RYR2: variants seen among roughly 807,000 people sequenced by gnomAD.
RYR2 encodes cardiac muscle ryanodine receptor-calcium release channel.
In RYR2, 227 loss-of-function variants were observed where a neutral mutation model predicts 601.1. The observed-to-expected ratio is 0.38, with a 90% CI of 0.34 to 0.42. The LOEUF is 0.42. RYR2 is among the 10% of genes least tolerant of loss of function. The pLI is 1.00. For missense variants in RYR2, 4,646 were observed against 6,156.5 expected, an observed-to-expected ratio of 0.75 and a Z score of 8.21; for synonymous variants, 2,223 against 2,175.1, an observed-to-expected ratio of 1.02 and a Z score of -0.61.
intron 16 of RYR2, among the ~76,000 whole-genome samples, chr1:237,460,776 A>G (rs1186824770): frequency 6.6e-6 from 1 of 152,180 alleles, no homozygotes; most frequent in Non-Finnish European, 1.5e-5. Flanking sequence ...ATCTATTGTT[A>G]CTATAAATAT....
At chr1:237,168,037 C>A (rs966187452) in intron 1 of RYR2, among the ~76,000 whole-genome samples, 1 of 152,170 alleles carries the variant, frequency 6.6e-6, no homozygotes, top group South Asian at 2.1e-4. Context: ...TGGATACTTA[C>A]CAAGCCAAAG....
Position 237,614,615 on chromosome 1 carries a change from G to T in RYR2, c.5487G>T (p.Leu1829=), listed in dbSNP as rs371250741. ...VPLIKLFYTL[L]IMGIFHNEDL... is the part of the protein sequence containing the mutation. The stretch of plus-strand genomic sequence containing the variant: ...TCATCAAGCTTTTCTATACCCTGCT[G>T]ATCATGGGCATCTTTCACAACGAGG... The change falls in exon 37 of 105, where the codon CTG becomes CTT. Residue 1829 remains leucine (L), a synonymous_variant. Coordinates refer to ENST00000366574, the MANE Select transcript of RYR2 (RefSeq NM_001035.3). This position sits in a 1 kb window ranked among gnomAD's most constrained non-coding sequence, Gnocchi z 4.3. 35 of 1,613,872 alleles carry T rather than the reference G, an allele frequency of 2.2e-5. 1 individual carries two copies. Among genetic ancestry groups the T allele is most frequent in the Non-Finnish European group, 2.8e-5 (33 of 1,179,902 alleles).
At chr1:237,689,068 G>C (rs1424941263) in intron 63 of RYR2, among the ~76,000 whole-genome samples, 4 of 152,062 alleles carry the variant, frequency 2.6e-5, no homozygotes, top group African/African-American at 9.7e-5. Context: ...TTCAAGACCA[G>C]CTGGGGCAAC....
chr1:237,270,541 A>G lies in RYR2; in HGVS notation c.93A>G (p.Glu31=), dbSNP rs1689575870. The change falls in exon 2 of 105, where the codon GAA becomes GAG. Residue 31 remains glutamate, a synonymous_variant. Transcript: ENST00000366574. ...VLQCTATIHK[E]QQKLCLAAEG... ...AGTGCACCGCAACCATCCACAAAGA[A>G]CAACAGAAGCTATGCTTGGCAGCAG... 2 of 1,598,132 alleles carry G rather than the reference A, an allele frequency of 1.3e-6. No homozygotes were observed. The highest frequency in any genetic ancestry group is 4.5e-5 in the East Asian group (2 of 44,436).
intron 17 of RYR2, among the ~76,000 whole-genome samples, chr1:237,485,865 A>G (rs1472531834): frequency 6.6e-6 from 1 of 152,172 alleles, no homozygotes. Context: ...TGACCTTGGA[A>G]GGTCTGGGAA....
At chr1:237,711,702 T>C (rs750182965) in intron 70 of RYR2, 43 bp from the exon 71 acceptor site, 8 of 1,002,422 alleles carry the variant, frequency 8.0e-6, no homozygotes, top group Non-Finnish European at 1.2e-5. Flanking sequence ...TACAAAGACT[T>C]CTTTAAGTGG....
At chr1:237,633,310 C>T (rs1219038475) in intron 42 of RYR2, among the ~76,000 whole-genome samples, 1 of 152,170 alleles carries the variant, frequency 6.6e-6, no homozygotes, top group Non-Finnish European at 1.5e-5. Flanking sequence ...AATGAATCTG[C>T]CTTTCACCTT....
At chr1:237,667,059 C>T (rs1352178517) in intron 57 of RYR2, among the ~76,000 whole-genome samples, 1 of 152,172 alleles carries the variant, frequency 6.6e-6, no homozygotes, top group Non-Finnish European at 1.5e-5. Context: ...GCAAGGGCCA[C>T]CTTCTTTTAA....
intron 2 of RYR2, among the ~76,000 whole-genome samples, chr1:237,317,940 A>G (rs988047116): frequency 6.6e-6 from 1 of 152,182 alleles, no homozygotes; most frequent in Non-Finnish European, 1.5e-5. Context: ...GAATGTTTAG[A>G]ACATACATAT....
intron 1 of RYR2, among the ~76,000 whole-genome samples, chr1:237,087,427 T>C (rs759447475): frequency 6.6e-6 from 1 of 152,178 alleles, no homozygotes; most frequent in Non-Finnish European, 1.5e-5. Context: ...TTTTATAGCC[T>C]ACCAAAATCA....
intron 1 of RYR2, among the ~76,000 whole-genome samples, chr1:237,229,334 C>T (rs762640674): frequency 7.2e-5 from 11 of 152,130 alleles, no homozygotes; most frequent in Non-Finnish European, 1.2e-4. Flanking sequence ...TAGTTTTTCA[C>T]CTTTTGGGTT....
At chr1:237,370,438 T>G (rs1468308019) in intron 6 of RYR2, among the ~76,000 whole-genome samples, 1 of 152,050 alleles carries the variant, frequency 6.6e-6, no homozygotes, top group African/African-American at 2.4e-5. Flanking sequence ...AAAAAATATT[T>G]TCTACACATA....
rs1188060622 is a variant in RYR2, at chr1:237,117,747, CTTCTCTTCT to C, written c.48+75179_48+75187del. On this transcript the variant is annotated intron_variant, in intron 1 of 104. Transcript: ENST00000366574. ...CTTCTCTTCTCTTCTCTTCTCTTCT[CTTCTCTTCT>C]CTGTTCTGAGACAGAGTCTCCCTCT... Among the ~76,000 whole-genome samples, 194 of 138,044 alleles carry C rather than the reference CTTCTCTTCT, an allele frequency of 1.4e-3. 1 individual carries two copies. The highest frequency in any genetic ancestry group is 5.1e-3 in the African/African-American group (187 of 36,450). The allele number at this position is 138,044 out of a possible 152,430, so 90.6% of individuals were successfully genotyped here. A position where few individuals can be genotyped will look rare whatever the true frequency, so the allele number is the denominator to read the frequency against.
intron 1 of RYR2, among the ~76,000 whole-genome samples, chr1:237,175,108 A>G (rs1030739507): frequency 1.3e-5 from 2 of 152,226 alleles, no homozygotes; most frequent in African/African-American, 4.8e-5. Context: ...ATTTTATAAT[A>G]CAATCTGAAG....
chr1:237,559,119 C>T (rs1166141912), intron 27 of RYR2, among the ~76,000 whole-genome samples: 1 of 151,678 alleles, frequency 6.6e-6, no homozygotes, highest in Non-Finnish European at 1.5e-5. Flanking sequence ...CTCAGCCTCC[C>T]AAGTAGCTGG....
intron 34 of RYR2, among the ~76,000 whole-genome samples, chr1:237,596,714 A>G (rs1263434329): frequency 6.6e-6 from 1 of 152,204 alleles, no homozygotes; most frequent in Non-Finnish European, 1.5e-5. Context: ...GGCACATTAT[A>G]ATCAAACTGT....
chr1:237,759,458 T>C (rs968093297), intron 82 of RYR2, among the ~76,000 whole-genome samples: 6 of 152,174 alleles, frequency 3.9e-5, no homozygotes, highest in African/African-American at 1.2e-4. Context: ...TTCTTCCCAG[T>C]TAACTTGCAC....
intron 11 of RYR2, among the ~76,000 whole-genome samples, chr1:237,418,689 C>T (rs4633277): frequency 0.83 from 125,872 of 152,000 alleles, 52,790 homozygotes; most frequent in East Asian, 1. Flanking sequence ...ATTATTCAGT[C>T]TTTCCTTTTC....
At chr1:237,454,296 A>G in intron 14 of RYR2, 95 bp from the exon 15 acceptor site, 7 of 1,257,406 alleles carry the variant, frequency 5.6e-6, no homozygotes, top group Non-Finnish European at 6.5e-6. Context: ...ACAGTGATGT[A>G]GGGAGAGAGA....
Sources: gnomAD v4.1 joint callset for allele counts (sites outside exome capture counted in the v4.1 genomes callset) on GRCh38, gnomAD v4.1.1 for gene constraint, Gnocchi (gnomAD v3.1) non-coding constraint, MANE v1.5 for transcripts, NCBI Gene and HGNC (gene_info 2026-07-23, HGNC 2026-07-21) for gene names.